PITPNB: variants seen among roughly 807,000 people sequenced by gnomAD.
PITPNB encodes the protein phosphatidylinositol transfer protein beta, also known as phosphatidylinositol transfer protein beta isoform.
PITPNB carries 16 observed loss-of-function variants against 45.9 expected under a neutral mutation model. The ratio of observed to expected loss-of-function variants is 0.35; its 90% CI spans 0.24 to 0.53. PITPNB has a LOEUF of 0.53. Among genes scored for constraint, PITPNB ranks in the 20% least tolerant of loss-of-function variants. The pLI, the probability that PITPNB is intolerant of heterozygous loss-of-function variation, is 0.93. For missense variants in PITPNB, 188 were observed against 330.5 expected (o/e 0.57, Z 3.34); for synonymous variants, 112 against 108.9 (o/e 1.03, Z -0.18).
chr22:27,854,839 C>G lies in PITPNB; in HGVS notation c.*38+15G>C, dbSNP rs1934125881. 1 of 1,547,134 alleles carries G rather than the reference C, an allele frequency of 6.5e-7. No homozygotes were observed. The highest frequency in any genetic ancestry group is 8.9e-7 in the Non-Finnish European group (1 of 1,122,720). The stretch of plus-strand genomic sequence containing the variant: ...ACAGGTTTCGAAACATCTTTTTACC[C>G]AGGTCTTCACTTACACAGTTTGACA... On this transcript the variant is annotated intron_variant, in intron 11 of 11. Transcript: ENST00000335272.
rs1208400676 is a variant in PITPNB at position 27,875,287 on chromosome 22, CA to C, written c.457-1473del. On this transcript the variant is annotated intron_variant, in intron 7 of 11. Coordinates refer to ENST00000335272, the MANE Select transcript of PITPNB (RefSeq NM_012399.5). ...CTGGGTCTTAATGCTTTACAATATG[CA>C]ATGTGGCATAGCCACAGGCATCAGC... 2.6e-5 allele frequency among the ~76,000 whole-genome samples: 4 copies of C among 152,364 alleles called. No individual in the cohort carries two copies. The South Asian group carries it at 6.2e-4, about 24-fold the overall frequency.
rs928383337 is a variant in PITPNB at position 27,852,399 on chromosome 22, C to A, written c.*1303G>T. 5 of 152,294 alleles carry A rather than the reference C, an allele frequency of 3.3e-5. No individual in the cohort carries two copies. The highest frequency in any genetic ancestry group is 4.4e-5 in the Non-Finnish European group (3 of 68,030). 9.4% of individuals were successfully genotyped at this position (152,294 alleles called of 1,614,324 possible). A position where few individuals can be genotyped will look rare whatever the true frequency, so the allele number is the denominator to read the frequency against. ...AAATCTTACCTAGCTATTGTTCCTTCCTTTAAATAAAAAATAAAATTAAAT... is the reference window on the plus strand; with the variant it reads ...AAATCTTACCTAGCTATTGTTCCTTACTTTAAATAAAAAATAAAATTAAAT... On this transcript the variant is annotated 3_prime_UTR_variant, in exon 12 of 12. Coordinates refer to ENST00000335272, the MANE Select transcript of PITPNB (RefSeq NM_012399.5).
At position 27,896,658 on chromosome 22, in the gene PITPNB, ATCT is replaced by A. The variant is rs1569026446; in HGVS notation, c.298-35_298-33del. The A allele has an allele frequency of 3.5e-6, 5 of 1,443,192 alleles. No homozygotes were observed. The Admixed American group carries it at 5.0e-5, about 15-fold the overall frequency. The allele number at this position is 1,443,192 out of a possible 1,614,324, so 89.4% of individuals were successfully genotyped here. ...AAAACACAACAGGAAAATGACAGTG[ATCT>A]TCTACCTGTTCCTTGGTGCCCACGT... On this transcript the variant is annotated intron_variant, in intron 5 of 11. Coordinates refer to ENST00000335272, the MANE Select transcript of PITPNB (RefSeq NM_012399.5).
chr22:27,876,360 CT>C (rs1934819739), intron 7 of PITPNB, among the ~76,000 whole-genome samples: 1 of 152,192 alleles, frequency 6.6e-6, no homozygotes, highest in African/African-American at 2.4e-5. Context: ...AAGTCTTCCC[CT>C]CTCTGCTTTT....
intron 7 of PITPNB, among the ~76,000 whole-genome samples, chr22:27,891,299 T>C (rs1255181339): frequency 1.3e-5 from 2 of 152,232 alleles, no homozygotes; most frequent in South Asian, 4.1e-4. Context: ...AATAAATTTA[T>C]ATCTTACTAA....
At chr22:27,883,886 T>C (rs1935042737) in intron 7 of PITPNB, among the ~76,000 whole-genome samples, 1 of 152,112 alleles carries the variant, frequency 6.6e-6, no homozygotes, top group South Asian at 2.1e-4. Flanking sequence ...GTGAGTGAGC[T>C]GGACTCAGCA....
chr22:27,903,834 A>G (rs950488545), intron 3 of PITPNB, among the ~76,000 whole-genome samples: 6 of 151,932 alleles, frequency 3.9e-5, no homozygotes, highest in Admixed American at 3.3e-4. Flanking sequence ...TTGAACAGAT[A>G]TTTCTTCAAA....
chr22:27,897,753 T>C (rs564570456), intron 4 of PITPNB, 48 bp downstream of exon 4: 23 of 1,189,098 alleles, frequency 1.9e-5, no homozygotes, highest in Admixed American at 1.3e-4. Flanking sequence ...GGAATCCCTC[T>C]CATTCTCAGG....
intron 7 of PITPNB, among the ~76,000 whole-genome samples, chr22:27,876,939 G>A (rs1934837022): frequency 6.6e-6 from 1 of 152,184 alleles, no homozygotes; most frequent in South Asian, 2.1e-4. Context: ...GCCACCAGCT[G>A]CAGACTTCTC....
chr22:27,895,116 T>C (rs1935397290), intron 6 of PITPNB, among the ~76,000 whole-genome samples: 2 of 152,234 alleles, frequency 1.3e-5, no homozygotes, highest in Non-Finnish European at 2.9e-5. Context: ...CCAACTCCTC[T>C]CTACTGCATG....
At chr22:27,902,385 A>C (rs762284074) in intron 3 of PITPNB, among the ~76,000 whole-genome samples, 24 of 152,202 alleles carry the variant, frequency 1.6e-4, no homozygotes, top group Non-Finnish European at 2.6e-4. Context: ...TATACGTCAC[A>C]GAGTTTAGAT....
At chr22:27,875,656 A>T (rs1934800722) in intron 7 of PITPNB, among the ~76,000 whole-genome samples, 1 of 152,262 alleles carries the variant, frequency 6.6e-6, no homozygotes, top group Admixed American at 6.5e-5. Context: ...AAACATTGAA[A>T]GTATTTAACA....
chr22:27,875,706 C>A (rs1186574966), intron 7 of PITPNB, among the ~76,000 whole-genome samples: 33 of 152,280 alleles, frequency 2.2e-4, no homozygotes, highest in Non-Finnish European at 1.5e-5. Context: ...TTCCCTCAAT[C>A]AAAATCTAGT....
At chr22:27,890,489 G>C (rs908774997) in intron 7 of PITPNB, among the ~76,000 whole-genome samples, 1 of 151,790 alleles carries the variant, frequency 6.6e-6, no homozygotes, top group Non-Finnish European at 1.5e-5. Flanking sequence ...CAACAGCCAA[G>C]AGGTAGAAAA....
At position 27,897,859 on chromosome 22, in the gene PITPNB, G is replaced by A. The variant is rs765313506; in HGVS notation, c.231C>T (p.Pro77=). ...TCTCATGAAACACCAAGGAGCCCTC[G>A]GGAGCAATCATCCTCACGAATGCAG... is the stretch of plus-strand genomic sequence containing the variant. ...KVPAFVRMIA[P]EGSLVFHEKA... is the part of the protein sequence containing the mutation. Residue 77 remains proline, a synonymous_variant, in exon 4 of 12, where the codon CCC becomes CCT. Coordinates refer to ENST00000335272, the MANE Select transcript of PITPNB (RefSeq NM_012399.5). 2.2e-5 allele frequency: 35 copies of A among 1,613,668 alleles called. No individual in the cohort carries two copies. Among genetic ancestry groups the A allele is most frequent in the African/African-American group, 1.2e-4 (9 of 74,890 alleles).
intron 3 of PITPNB, among the ~76,000 whole-genome samples, chr22:27,902,577 CTA>C (rs1935631220): frequency 1.3e-5 from 2 of 152,076 alleles, no homozygotes; most frequent in South Asian, 4.1e-4. Flanking sequence ...TAAATAAAAA[CTA>C]AAACTATAAA....
chr22:27,878,227 C>T (rs944971462), intron 7 of PITPNB, among the ~76,000 whole-genome samples: 8 of 152,222 alleles, frequency 5.3e-5, no homozygotes, highest in South Asian at 2.1e-4. Flanking sequence ...AAATAACAAA[C>T]ATCATTTATT....
Position 27,854,945 on chromosome 22 carries a change from C to G in PITPNB, c.769-6G>C. 1 of 1,609,962 alleles carries G rather than the reference C, an allele frequency of 6.2e-7. No homozygotes were observed. The highest frequency in any genetic ancestry group is 8.5e-7 in the Non-Finnish European group (1 of 1,176,504). On this transcript the variant is annotated splice_region_variant and splice_polypyrimidine_tract_variant and intron_variant, in intron 10 of 11. Transcript: ENST00000335272. ...ACGGAACCCCTCTTACGCATCTAAA[C>G]GTAAAATAAAATTGTGAGCTGCTGA... is the stretch of plus-strand genomic sequence containing the variant.
rs945606670 is a variant in PITPNB, at chr22:27,884,523, C to T, written c.456+10032G>A. Among the ~76,000 whole-genome samples, 12 of 152,284 alleles carry T rather than the reference C, an allele frequency of 7.9e-5. No homozygotes were observed. In the East Asian group the frequency reaches 2.1e-3, roughly 27 times the overall value. On this transcript the variant is annotated intron_variant, in intron 7 of 11. Coordinates refer to ENST00000335272, the MANE Select transcript of PITPNB (RefSeq NM_012399.5). ...TGTGACCCAAAACGAATATGGCACA[C>T]GAGTTTCTAGCTTGTGTCTCTTCCT...
Sources: gnomAD v4.1 joint callset for allele counts (sites outside exome capture counted in the v4.1 genomes callset) on GRCh38, gnomAD v4.1.1 for gene constraint, MANE v1.5 for transcripts, NCBI Gene and HGNC (gene_info 2026-07-23, HGNC 2026-07-21) for gene names.